The following ZFPM2 variants were observed in gnomAD, a reference collection of about 807,000 sequenced individuals.
The protein encoded by ZFPM2 is zinc finger protein, FOG family member 2, also known as zinc finger protein ZFPM2.
A neutral mutation model predicts 98.6 loss-of-function variants in ZFPM2; 20 were observed. That is an observed-to-expected ratio of 0.20 (90% confidence interval 0.14 to 0.29). The LOEUF is 0.29. Among genes scored for constraint, ZFPM2 ranks in the 10% least tolerant of loss-of-function variants. The pLI is 1.00. For synonymous variants in ZFPM2, 518 were observed against 502.7 expected, an observed-to-expected ratio of 1.03 and a Z score of -0.41; for missense variants, 1,310 against 1,388.6, an observed-to-expected ratio of 0.94 and a Z score of 0.90.
At chr8:105,732,043 T>C (rs28546134) in intron 5 of ZFPM2, among the ~76,000 whole-genome samples, 36 of 151,814 alleles carry the variant, frequency 2.4e-4, no homozygotes, top group African/African-American at 7.9e-4. Context: ...GGCAAAAAGA[T>C]ATGAGAGGGT....
chr8:105,348,118 T>C (rs1441692953), intron 1 of ZFPM2, among the ~76,000 whole-genome samples: 1 of 152,212 alleles, frequency 6.6e-6, no homozygotes, highest in Non-Finnish European at 1.5e-5. Context: ...GACCATTTTG[T>C]TGGTTCTTTG....
chr8:105,483,901 T>A (rs1813175483), intron 3 of ZFPM2, among the ~76,000 whole-genome samples: 2 of 151,512 alleles, frequency 1.3e-5, no homozygotes, highest in Non-Finnish European at 2.9e-5. Context: ...GCCCGGCTAA[T>A]TTTTTTGTAT....
Position 105,365,612 on chromosome 8 carries a change from T to C in ZFPM2, c.40+46631T>C, listed in dbSNP as rs553102242. On this transcript the variant is annotated intron_variant, in intron 1 of 7. Transcript: ENST00000407775. ...ATCAACAAGCAGCAGTTAGTTAGCA[T>C]CAGTGGTTTTTGTTTGCTTGTTCAT... Among the ~76,000 whole-genome samples the C allele has an allele frequency of 2.6e-5, 4 of 152,310 alleles. No individual in the cohort carries two copies. In the East Asian group the frequency reaches 7.7e-4, roughly 29 times the overall value.
intron 2 of ZFPM2, among the ~76,000 whole-genome samples, chr8:105,425,429 C>T (rs1380266012): frequency 2.6e-5 from 4 of 152,160 alleles, no homozygotes; most frequent in Admixed American, 6.5e-5. Context: ...AATGTGGTTT[C>T]CAGAACAGCA....
At chr8:105,690,889 G>A (rs1810863490) in intron 5 of ZFPM2, 2 of 151,906 alleles carry the variant, frequency 1.3e-5, no homozygotes, top group South Asian at 2.1e-4. Flanking sequence ...AGATTACTAG[G>A]GAAACTATCT....
chr8:105,631,560 A>G (rs1254882862), intron 4 of ZFPM2, among the ~76,000 whole-genome samples: 2 of 152,078 alleles, frequency 1.3e-5, no homozygotes, highest in Non-Finnish European at 2.9e-5. Flanking sequence ...CTCTTCTATG[A>G]TGTGTCCCCA....
At chr8:105,465,542 T>C (rs1428826645) in intron 3 of ZFPM2, among the ~76,000 whole-genome samples, 2 of 151,920 alleles carry the variant, frequency 1.3e-5, no homozygotes, top group Non-Finnish European at 2.9e-5. Flanking sequence ...TTTATAGAAA[T>C]TATACTTGTA....
chr8:105,504,428 T>G (rs1813656234), intron 3 of ZFPM2, among the ~76,000 whole-genome samples: 1 of 152,156 alleles, frequency 6.6e-6, no homozygotes, highest in South Asian at 2.1e-4. Flanking sequence ...AAAATTACAC[T>G]TCCTCAGTTT....
At chr8:105,386,665 A>G (rs1810996267) in intron 1 of ZFPM2, among the ~76,000 whole-genome samples, 1 of 152,112 alleles carries the variant, frequency 6.6e-6, no homozygotes, top group Admixed American at 6.5e-5. Flanking sequence ...AAGCTTCCAC[A>G]ATGTGGAAGG....
chr8:105,360,567 C>T (rs1812837685), intron 1 of ZFPM2, among the ~76,000 whole-genome samples: 1 of 151,982 alleles, frequency 6.6e-6, no homozygotes, highest in South Asian at 2.1e-4. Context: ...TGGTGCGCTG[C>T]ACCCACTAAC....
chr8:105,759,581 TG>T (rs1191335633), intron 5 of ZFPM2, among the ~76,000 whole-genome samples: 8 of 67,602 alleles, frequency 1.2e-4, no homozygotes, highest in Non-Finnish European at 1.8e-4. Context: ...TGATAATCCT[TG>T]TGTGTGTGTG....
At chr8:105,631,364 C>G (rs1663304306) in intron 4 of ZFPM2, among the ~76,000 whole-genome samples, 1 of 152,128 alleles carries the variant, frequency 6.6e-6, no homozygotes, top group Non-Finnish European at 1.5e-5. Context: ...ATAGATAATA[C>G]TTTTCTAGTG....
chr8:105,712,435 C>T (rs1811422923), intron 5 of ZFPM2, among the ~76,000 whole-genome samples: 1 of 151,980 alleles, frequency 6.6e-6, no homozygotes, highest in Admixed American at 6.6e-5. Flanking sequence ...GTGAGGTAGA[C>T]AGTATTACCT....
At chr8:105,369,468 C>T (rs2343404) in intron 1 of ZFPM2, among the ~76,000 whole-genome samples, 1,959 of 152,032 alleles carry the variant, frequency 0.013, 50 homozygotes, top group African/African-American at 0.045. Context: ...GCATATAAAT[C>T]CATCTTCTTA....
intron 5 of ZFPM2, chr8:105,669,888 A>T (rs1420879204): frequency 3.9e-5 from 6 of 152,106 alleles, no homozygotes; most frequent in African/African-American, 1.4e-4. Flanking sequence ...GTGAAAAATG[A>T]CTTTACATAA....
At chr8:105,798,406 C>T (rs973274384) in intron 6 of ZFPM2, 7 of 188,728 alleles carry the variant, frequency 3.7e-5, no homozygotes, top group Admixed American at 3.3e-4. Context: ...GTTGAGATCG[C>T]ACCACTGCAC....
chr8:105,459,674 C>T (rs1286418487), intron 3 of ZFPM2, among the ~76,000 whole-genome samples: 2 of 152,116 alleles, frequency 1.3e-5, no homozygotes, highest in Non-Finnish European at 2.9e-5. Context: ...CTTACTTTTT[C>T]TGCGTGTGTG....
chr8:105,786,885 G>A (rs1328394521), intron 5 of ZFPM2, among the ~76,000 whole-genome samples: 2 of 152,148 alleles, frequency 1.3e-5, no homozygotes, highest in East Asian at 3.9e-4. Context: ...TTTGTGAAAG[G>A]TACACATAGC....
At chr8:105,696,199 A>G (rs1811013692) in intron 5 of ZFPM2, among the ~76,000 whole-genome samples, 1 of 152,202 alleles carries the variant, frequency 6.6e-6, no homozygotes, top group African/African-American at 2.4e-5. Flanking sequence ...GCCGTGCACC[A>G]TCCTGGTGTT....
Sources: gnomAD v4.1 joint callset for allele counts (sites outside exome capture counted in the v4.1 genomes callset) on GRCh38, gnomAD v4.1.1 for gene constraint, MANE v1.5 for transcripts, NCBI Gene and HGNC (gene_info 2026-07-23, HGNC 2026-07-21) for gene names.